COL17A1: variants seen among roughly 807,000 people sequenced by gnomAD.
COL17A1 encodes the protein collagen alpha-1(XVII) chain.
Under a neutral mutation model 218.4 loss-of-function variants are expected in COL17A1, and 181 were observed. That is an observed-to-expected ratio of 0.83 (90% CI 0.73 to 0.94). The LOEUF (loss-of-function observed/expected upper bound fraction) is 0.94. Among genes scored for constraint, COL17A1 ranks in the 40% least tolerant of loss-of-function variants. The probability of loss-of-function intolerance (pLI) is 0.00; values close to 1 mark genes in which losing one functional copy is unlikely to be tolerated. For missense variants in COL17A1, 1,924 were observed against 1,945.9 expected, an observed-to-expected ratio of 0.99 and a Z score of 0.21; for synonymous variants, 721 against 731.0, an observed-to-expected ratio of 0.99 and a Z score of 0.22.
intron 43 of COL17A1, 52 bp downstream of exon 43, chr10:104,039,393 G>A (rs2086334717): frequency 6.3e-7 from 1 of 1,576,962 alleles, no homozygotes; most frequent in Non-Finnish European, 8.7e-7. Context: ...TGGGCTCTGG[G>A]CACCAGGCTC....
intron 30 of COL17A1, 129 bp from the exon 31 acceptor site, chr10:104,047,939 C>A: frequency 7.3e-7 from 1 of 1,375,104 alleles, no homozygotes; most frequent in Non-Finnish European, 1.0e-6. Context: ...AGAAGGGGAA[C>A]AGAACTGGAC....
intron 51 of COL17A1, 73 bp downstream of exon 51, chr10:104,034,548 C>T: frequency 1.9e-6 from 3 of 1,561,806 alleles, no homozygotes; most frequent in Non-Finnish European, 2.6e-6. Flanking sequence ...CTTTAAGTGC[C>T]TCCCTGCCCC....
At chr10:104,061,344 A>T in intron 13 of COL17A1, 61 bp downstream of exon 13, 2 of 1,455,684 alleles carry the variant, frequency 1.4e-6, no homozygotes, top group Non-Finnish European at 1.9e-6. Flanking sequence ...AGGCAGGATT[A>T]CTGCAGAGTA....
chr10:104,047,652 TGCACAC>T lies in COL17A1; in HGVS notation c.2335+81_2335+86del, dbSNP rs201016463. On this transcript the variant is annotated intron_variant, in intron 31 of 55. Coordinates refer to ENST00000648076, the MANE Select transcript of COL17A1 (RefSeq NM_000494.4). ...CCCCCACAACCTGCACACCTGCACA[TGCACAC>T]GCACACACATGCCTACATCCACACA... 4 of 1,104,006 alleles carry T rather than the reference TGCACAC, an allele frequency of 3.6e-6. No individual in the cohort carries two copies. The East Asian group carries it at 9.5e-5, about 26-fold the overall frequency. The allele number at this position is 1,104,006 out of a possible 1,614,324, so 68.4% of individuals were successfully genotyped here.
chr10:104,032,516 T>C (rs146266401), intron 55 of COL17A1, among the ~76,000 whole-genome samples, 158 bp downstream of exon 55: 1 of 152,384 alleles, frequency 6.6e-6, no homozygotes, highest in African/African-American at 2.4e-5. Flanking sequence ...GTGAATGGGA[T>C]TGTTATGCAA....
intron 5 of COL17A1, among the ~76,000 whole-genome samples, chr10:104,075,002 A>T (rs551208310): frequency 2.0e-5 from 3 of 151,494 alleles, no homozygotes; most frequent in African/African-American, 7.3e-5. Flanking sequence ...GACCCTGAGC[A>T]CTCTCTTGTG....
chr10:104,063,080 G>A (rs1328644154), intron 11 of COL17A1, among the ~76,000 whole-genome samples: 2 of 152,166 alleles, frequency 1.3e-5, no homozygotes, highest in Admixed American at 6.5e-5. Context: ...CTGAAAATCT[G>A]AATGCAAAAC....
At chr10:104,041,675 TG>T in intron 36 of COL17A1, 137 bp from the exon 37 acceptor site, 2 of 733,302 alleles carry the variant, frequency 2.7e-6, no homozygotes, top group South Asian at 3.4e-5. Flanking sequence ...CCCTGTGTCA[TG>T]GCACAAGAGC....
chr10:104,063,810 C>A lies in COL17A1; in HGVS notation c.775G>T (p.Val259Phe). 6.2e-7 allele frequency: 1 copy of A among 1,614,198 alleles called. No individual in the cohort carries two copies. Among genetic ancestry groups the A allele is most frequent in the Non-Finnish European group, 8.5e-7 (1 of 1,180,036 alleles). The change falls in exon 11 of 56, where the codon GTT (valine) becomes TTT (phenylalanine). Residue 259 changes from valine (V) to phenylalanine (F), a missense_variant. By Grantham distance (50) the Val-to-Phe change is conservative. Coordinates refer to ENST00000648076, the MANE Select transcript of COL17A1 (RefSeq NM_000494.4). Reference sequence around the variant, plus strand: ...GAGCAGGACGCCATGTTGTTTGGAACTCCGAAGACTGCAGGGGCAAGGAGG... The same window carrying A: ...GAGCAGGACGCCATGTTGTTTGGAAATCCGAAGACTGCAGGGGCAAGGAGG... ...NAYSAGSVFG[V>F]PNNMASCSPT...
chr10:104,034,561 T>C, intron 51 of COL17A1, 60 bp downstream of exon 51: 1 of 1,580,100 alleles, frequency 6.3e-7, no homozygotes, highest in South Asian at 1.2e-5. Context: ...CCTGCCCCAC[T>C]TACAGGGAAA....
intron 15 of COL17A1, among the ~76,000 whole-genome samples, 161 bp from the exon 16 acceptor site, chr10:104,058,351 C>T (rs374964491): frequency 2.6e-5 from 4 of 152,174 alleles, no homozygotes; most frequent in African/African-American, 4.8e-5. Context: ...CTGATATTTG[C>T]GATAATTACA....
chr10:104,061,021 G>A (rs1185904291), intron 13 of COL17A1, among the ~76,000 whole-genome samples: 1 of 152,224 alleles, frequency 6.6e-6, no homozygotes, highest in African/African-American at 2.4e-5. Context: ...TGTGGACAAA[G>A]TTGATATAGA....
At chr10:104,066,034 C>G (rs1036808879) in intron 9 of COL17A1, among the ~76,000 whole-genome samples, 3 of 152,198 alleles carry the variant, frequency 2.0e-5, no homozygotes, top group African/African-American at 7.2e-5. Flanking sequence ...CAGGTCCCCC[C>G]ACTTAGTTTC....
At chr10:104,071,312 G>A (rs774187802) in intron 8 of COL17A1, among the ~76,000 whole-genome samples, 2 of 152,108 alleles carry the variant, frequency 1.3e-5, no homozygotes, top group Non-Finnish European at 2.9e-5. Context: ...AGAAGGTGTC[G>A]GGCCTGGAGT....
chr10:104,061,575 G>T, intron 12 of COL17A1, 102 bp from the exon 13 acceptor site: 1 of 915,458 alleles, frequency 1.1e-6, no homozygotes, highest in South Asian at 1.4e-5. Context: ...CCTCTCCAGT[G>T]AGAAGCAGAT....
intron 8 of COL17A1, 53 bp downstream of exon 8, chr10:104,071,979 A>G (rs760010772): frequency 2.0e-5 from 33 of 1,612,014 alleles, no homozygotes; most frequent in Admixed American, 3.3e-5. Flanking sequence ...CACACACAGC[A>G]CTAGCCCTGG....
intron 15 of COL17A1, 91 bp from the exon 16 acceptor site, chr10:104,058,281 T>G: frequency 6.4e-7 from 1 of 1,561,808 alleles, no homozygotes; most frequent in Non-Finnish European, 8.8e-7. Context: ...TCCTTTACTT[T>G]CTTAATAAAC....
Position 104,032,890 on chromosome 10 carries a change from C to G in COL17A1, c.4357+16G>C, listed in dbSNP as rs1261079800. The G allele has an allele frequency of 6.2e-7, 1 of 1,614,166 alleles. No individual in the cohort carries two copies. The highest frequency in any genetic ancestry group is 8.5e-7 in the Non-Finnish European group (1 of 1,180,006). On this transcript the variant is annotated intron_variant, in intron 54 of 55. Transcript: ENST00000648076. ...TTAACACAGGATCCAGGGACTGGCT[C>G]TCTGCCACCACTTACCTTTGGGTCC...
chr10:104,053,579 T>G (rs1053971922), intron 22 of COL17A1, among the ~76,000 whole-genome samples: 3 of 151,602 alleles, frequency 2.0e-5, no homozygotes, highest in African/African-American at 7.3e-5. Flanking sequence ...CTTCTTGCCC[T>G]TCGAATCTTT....
Sources: allele counts gnomAD v4.1 joint callset (sites outside exome capture counted in the v4.1 genomes callset), GRCh38; gene constraint gnomAD v4.1.1; transcripts MANE v1.5; gene names NCBI Gene and HGNC (gene_info 2026-07-23, HGNC 2026-07-21).